MYO3A: variants seen among roughly 807,000 people sequenced by gnomAD.
MYO3A encodes the protein myosin IIIA.
MYO3A carries 180 observed loss-of-function variants against 192.7 expected under a neutral mutation model. That is an observed-to-expected ratio of 0.93 (90% CI 0.83 to 1.06). MYO3A has a LOEUF of 1.06. Among genes scored for constraint, MYO3A ranks in the 50% least tolerant of loss-of-function variants. MYO3A has a pLI of 0.00. For synonymous variants in MYO3A, 628 were observed against 645.3 expected (o/e 0.97, Z 0.41); for missense variants, 1,896 against 1,905.0 (o/e 1.00, Z 0.09).
intron 14 of MYO3A, 84 bp downstream of exon 14, chr10:26,070,485 T>C: frequency 8.6e-7 from 1 of 1,156,750 alleles, no homozygotes. Context: ...TAATATTCTC[T>C]AGTATCTCAC....
intron 31 of MYO3A, among the ~76,000 whole-genome samples, chr10:26,184,588 A>G (rs1232572394): frequency 6.6e-6 from 1 of 152,064 alleles, no homozygotes; most frequent in East Asian, 1.9e-4. Context: ...AATGAGTTTT[A>G]AATCTATCTT....
At chr10:26,037,473 T>C (rs1005061806) in intron 10 of MYO3A, among the ~76,000 whole-genome samples, 2 of 152,216 alleles carry the variant, frequency 1.3e-5, no homozygotes, top group African/African-American at 4.8e-5. Context: ...TGAAATTTTG[T>C]TCTAAATTTT....
intron 32 of MYO3A, among the ~76,000 whole-genome samples, chr10:26,196,991 G>A (rs1230120370): frequency 6.6e-6 from 1 of 152,170 alleles, no homozygotes; most frequent in Non-Finnish European, 1.5e-5. Context: ...AGAGTACTGT[G>A]AACTTTTATT....
At chr10:26,070,494 A>C in intron 14 of MYO3A, 93 bp downstream of exon 14, 11 of 1,086,204 alleles carry the variant, frequency 1.0e-5, no homozygotes, top group Non-Finnish European at 1.5e-5. Context: ...CTAGTATCTC[A>C]CATTTAATAA....
intron 14 of MYO3A, among the ~76,000 whole-genome samples, chr10:26,077,811 G>A (rs1439645635): frequency 6.6e-5 from 10 of 152,092 alleles, no homozygotes; most frequent in Non-Finnish European, 1.0e-4. Context: ...ATTGACTTGT[G>A]TATGTGAAAC....
chr10:25,967,116 C>T (rs1838312199), intron 4 of MYO3A, among the ~76,000 whole-genome samples: 1 of 152,048 alleles, frequency 6.6e-6, no homozygotes, highest in South Asian at 2.1e-4. Context: ...GGAAGTTATG[C>T]AGAAAAAAGC....
At chr10:26,207,078 T>A (rs564299062) in intron 34 of MYO3A, among the ~76,000 whole-genome samples, 1 of 152,164 alleles carries the variant, frequency 6.6e-6, no homozygotes, top group African/African-American at 2.4e-5. Flanking sequence ...GGTTTTTTTT[T>A]TCTAAGTTGT....
intron 10 of MYO3A, among the ~76,000 whole-genome samples, chr10:26,028,803 C>G (rs1842674870): frequency 6.6e-6 from 1 of 152,094 alleles, no homozygotes; most frequent in Non-Finnish European, 1.5e-5. Context: ...TCTCCTTGCC[C>G]CCTAGAGTCC....
intron 17 of MYO3A, among the ~76,000 whole-genome samples, chr10:26,107,407 G>T (rs1023162065): frequency 4.0e-5 from 6 of 150,736 alleles, no homozygotes; most frequent in Admixed American, 2.6e-4. Context: ...CTTGAACCCG[G>T]GAAGCAGAGG....
In MYO3A at chr10:25,935,760, C is replaced by T. The variant is rs541428338; in HGVS notation, c.-88C>T. ...GGGTTACAGGCCCAGGGCCCCAGTG[C>T]AGCCTGGACACAGTATTCAAAGTTT... On this transcript the variant is annotated 5_prime_UTR_variant, in exon 2 of 35. Coordinates refer to ENST00000642920, the MANE Select transcript of MYO3A (RefSeq NM_017433.5). 6.6e-6 allele frequency: 1 copy of T among 152,312 alleles called. No homozygotes were observed. Among genetic ancestry groups the T allele is most frequent in the South Asian group, 2.1e-4 (1 of 4,824 alleles). 9.4% of individuals were successfully genotyped at this position (152,312 alleles called of 1,614,324 possible). A position where few individuals can be genotyped will look rare whatever the true frequency, so the allele number is the denominator to read the frequency against.
chr10:25,961,976 A>G (rs1312569348), intron 4 of MYO3A, among the ~76,000 whole-genome samples: 1 of 152,208 alleles, frequency 6.6e-6, no homozygotes, highest in African/African-American at 2.4e-5. Context: ...GTGAATCTAC[A>G]TACAGAAGGT....
At chr10:26,095,423 G>A (rs941708884) in intron 15 of MYO3A, among the ~76,000 whole-genome samples, 1 of 152,160 alleles carries the variant, frequency 6.6e-6, no homozygotes, top group Non-Finnish European at 1.5e-5. Context: ...ACGAGAAGGG[G>A]AATGCCACAG....
intron 18 of MYO3A, 97 bp downstream of exon 18, chr10:26,120,899 C>T (rs1028200102): frequency 6.8e-7 from 1 of 1,464,240 alleles, no homozygotes; most frequent in Non-Finnish European, 9.4e-7. Flanking sequence ...ATTGTGCTAA[C>T]CTAGAATCCT....
At chr10:26,141,051 C>G (rs1216115779) in intron 20 of MYO3A, among the ~76,000 whole-genome samples, 1 of 152,130 alleles carries the variant, frequency 6.6e-6, no homozygotes, top group Non-Finnish European at 1.5e-5. Flanking sequence ...CCTCAGTCTC[C>G]TGAGTAGCTG....
chr10:26,185,329 C>CTTTTT (rs61581382), intron 31 of MYO3A, among the ~76,000 whole-genome samples: 2 of 63,876 alleles, frequency 3.1e-5, no homozygotes, highest in South Asian at 6.7e-4. Context: ...TTCCAGGATT[C>CTTTTT]TTTTTTTTTT....
intron 2 of MYO3A, 135 bp from the exon 3 acceptor site, chr10:25,951,959 C>T (rs1001215479): frequency 4.7e-5 from 30 of 641,852 alleles, no homozygotes; most frequent in Non-Finnish European, 7.5e-5. Flanking sequence ...TTTCCTGTGA[C>T]TCTGAAATAT....
chr10:25,950,789 A>C (rs1351008309), intron 2 of MYO3A, among the ~76,000 whole-genome samples: 1 of 152,156 alleles, frequency 6.6e-6, no homozygotes, highest in African/African-American at 2.4e-5. Context: ...TGGTGATGTG[A>C]ATAAAGGTGA....
At chr10:26,050,049 G>A (rs1478186308) in intron 10 of MYO3A, among the ~76,000 whole-genome samples, 2 of 151,870 alleles carry the variant, frequency 1.3e-5, no homozygotes, top group African/African-American at 2.4e-5. Context: ...CTGGTACAGA[G>A]GACTGTAAAA....
At chr10:26,209,665 G>T (rs1844131461) in intron 34 of MYO3A, among the ~76,000 whole-genome samples, 1 of 152,178 alleles carries the variant, frequency 6.6e-6, no homozygotes, top group Admixed American at 6.5e-5. Context: ...CTCTTGGTTT[G>T]CCTCTTACTT....
Sources: allele counts gnomAD v4.1 joint callset (sites outside exome capture counted in the v4.1 genomes callset), GRCh38; gene constraint gnomAD v4.1.1; transcripts MANE v1.5; gene names NCBI Gene and HGNC (gene_info 2026-07-23, HGNC 2026-07-21).